ZC2HC1A: variants seen among roughly 807,000 people sequenced by gnomAD.
ZC2HC1A encodes zinc finger C2HC-type containing 1A, also known as zinc finger C2HC domain-containing protein 1A.
In ZC2HC1A, 28 loss-of-function variants were observed where a neutral mutation model predicts 40.7. The observed-to-expected ratio is 0.69, with a 90% CI of 0.51 to 0.94. The LOEUF is 0.94. Ranked by LOEUF, ZC2HC1A falls within the 40% of genes least tolerant of loss-of-function variation. The probability of loss-of-function intolerance (pLI) is 0.00; values close to 1 mark genes in which losing one functional copy is unlikely to be tolerated. For missense variants in ZC2HC1A, 389 were observed against 386.3 expected (o/e 1.01, Z -0.06); for synonymous variants, 129 against 129.2 (o/e 1.00, Z 0.01).
rs1274020151 is a variant in ZC2HC1A at position 78,689,979 on chromosome 8, G to C, written c.504+606G>C. On this transcript the variant is annotated intron_variant, in intron 5 of 8. Transcript: ENST00000263849. ...CACTTCAGGCTGGTATTTGTGTATA[G>C]TGTGAAGTAAGGGGCAGTTTTTCCT... Among the ~76,000 whole-genome samples, 5 of 152,280 alleles carry C rather than the reference G, an allele frequency of 3.3e-5. No homozygotes were observed. The South Asian group carries it at 8.3e-4, about 25-fold the overall frequency.
intron 1 of ZC2HC1A, among the ~76,000 whole-genome samples, chr8:78,672,849 A>G (rs980350952): frequency 1.1e-4 from 16 of 152,190 alleles, no homozygotes; most frequent in African/African-American, 3.4e-4. Context: ...AAACTAAAGA[A>G]AACATTATAA....
intron 1 of ZC2HC1A, among the ~76,000 whole-genome samples, chr8:78,668,581 T>C (rs1338305428): frequency 6.6e-6 from 1 of 152,168 alleles, no homozygotes; most frequent in East Asian, 1.9e-4. Context: ...TGTTTTACTT[T>C]TGGTCTTCAG....
At chr8:78,672,397 C>G (rs16905952) in intron 1 of ZC2HC1A, among the ~76,000 whole-genome samples, 2,993 of 152,100 alleles carry the variant, frequency 0.02, 96 homozygotes, top group African/African-American at 0.068. Context: ...AATAACAATT[C>G]AAATAATACA....
At chr8:78,671,861 T>C (rs1461655967) in intron 1 of ZC2HC1A, among the ~76,000 whole-genome samples, 1 of 152,196 alleles carries the variant, frequency 6.6e-6, no homozygotes, top group Non-Finnish European at 1.5e-5. Context: ...ATAAACTTTA[T>C]TTAAAAAGTC....
Position 78,700,338 on chromosome 8 carries a change from CTTTTTTTCTTGTAAGTTTG to C in ZC2HC1A, c.704+1848_704+1866del, listed in dbSNP as rs1386111878. Among the ~76,000 whole-genome samples the C allele has an allele frequency of 6.0e-5, 9 of 151,134 alleles. No individual in the cohort carries two copies. In the South Asian group the frequency reaches 8.4e-4, roughly 14 times the overall value. On this transcript the variant is annotated intron_variant, in intron 7 of 8. Coordinates refer to ENST00000263849, the MANE Select transcript of ZC2HC1A (RefSeq NM_016010.3). ...TGTTTGTTTTTTTTCTTGTAAGTTT[CTTTTTTTCTTGTAAGTTTG>C]TTTTTTTCTTGTAAGTTTGTTTGTT...
intron 1 of ZC2HC1A, among the ~76,000 whole-genome samples, chr8:78,669,204 G>A (rs1809378213): frequency 6.6e-6 from 1 of 152,024 alleles, no homozygotes; most frequent in Admixed American, 6.6e-5. Flanking sequence ...TATTTTAATA[G>A]ACAGTATATT....
intron 7 of ZC2HC1A, among the ~76,000 whole-genome samples, chr8:78,710,244 A>T (rs1810910699): frequency 6.6e-6 from 1 of 152,172 alleles, no homozygotes; most frequent in Admixed American, 6.5e-5. Context: ...TAAAAATAGC[A>T]TTCATTAACT....
In ZC2HC1A at chr8:78,673,650, G is replaced by A. The variant is rs192888905; in HGVS notation, c.17-2137G>A. 3.0e-4 allele frequency among the ~76,000 whole-genome samples: 46 copies of A among 152,266 alleles called. No individual in the cohort carries two copies. In the East Asian group the frequency reaches 3.1e-3, roughly 10 times the overall value. ...GTATTCTGTTTTAGAGAATGAAAGCGTTGTCCAAATTGGAGAATTGTTACC... is the reference window on the plus strand; with the variant it reads ...GTATTCTGTTTTAGAGAATGAAAGCATTGTCCAAATTGGAGAATTGTTACC... On this transcript the variant is annotated intron_variant, in intron 1 of 8. Transcript: ENST00000263849.
intron 1 of ZC2HC1A, among the ~76,000 whole-genome samples, chr8:78,671,793 T>G (rs551868883): frequency 2.0e-5 from 3 of 151,722 alleles, no homozygotes; most frequent in African/African-American, 4.8e-5. Flanking sequence ...CTTAATGTGG[T>G]GTACACTACC....
chr8:78,695,191 A>G lies in ZC2HC1A; in HGVS notation c.505-2216A>G, dbSNP rs550317733. ...AAAGTAATGGGAAATATTATAGGAT[A>G]TAAGTAAGGTTGTTCTAGGTTCTGA... On this transcript the variant is annotated intron_variant, in intron 5 of 8. Coordinates refer to ENST00000263849, the MANE Select transcript of ZC2HC1A (RefSeq NM_016010.3). 3.3e-5 allele frequency among the ~76,000 whole-genome samples: 5 copies of G among 152,334 alleles called. No individual in the cohort carries two copies. In the South Asian group the frequency reaches 6.2e-4, roughly 19 times the overall value.
chr8:78,707,357 T>C (rs1443782726), intron 7 of ZC2HC1A, among the ~76,000 whole-genome samples: 1 of 152,202 alleles, frequency 6.6e-6, no homozygotes, highest in Non-Finnish European at 1.5e-5. Context: ...GGCGCTGACC[T>C]TGGAGTTAGA....
intron 7 of ZC2HC1A, among the ~76,000 whole-genome samples, chr8:78,710,519 TATC>T (rs1413933720): frequency 6.6e-6 from 1 of 152,072 alleles, no homozygotes; most frequent in African/African-American, 2.4e-5. Context: ...GACCATTTCT[TATC>T]ATATAAGAGG....
At chr8:78,684,450 G>A (rs372905667) in intron 3 of ZC2HC1A, among the ~76,000 whole-genome samples, 12 of 152,158 alleles carry the variant, frequency 7.9e-5, no homozygotes, top group Admixed American at 2.6e-4. Context: ...ACCTGCCCCC[G>A]TGATTCAATT....
intron 1 of ZC2HC1A, among the ~76,000 whole-genome samples, chr8:78,669,581 G>T (rs768206412): frequency 6.6e-6 from 1 of 152,128 alleles, no homozygotes; most frequent in Non-Finnish European, 1.5e-5. Flanking sequence ...CTGTAGAAAG[G>T]CCCAGTAGGA....
At chr8:78,670,092 G>A (rs1809401660) in intron 1 of ZC2HC1A, among the ~76,000 whole-genome samples, 3 of 151,090 alleles carry the variant, frequency 2.0e-5, no homozygotes, top group East Asian at 2.0e-4. Context: ...CTCAGCCTCC[G>A]GAGTAGCTGG....
At chr8:78,682,466 A>G (rs1266147239) in intron 3 of ZC2HC1A, among the ~76,000 whole-genome samples, 2 of 152,118 alleles carry the variant, frequency 1.3e-5, no homozygotes, top group Non-Finnish European at 2.9e-5. Flanking sequence ...GGCAGACAAG[A>G]GCAGGGGAAC....
chr8:78,688,848 A>G (rs1172461109), intron 4 of ZC2HC1A, among the ~76,000 whole-genome samples: 3 of 152,116 alleles, frequency 2.0e-5, no homozygotes, highest in Non-Finnish European at 2.9e-5. Flanking sequence ...AACGTCATGT[A>G]TTATTACTTC....
chr8:78,690,893 G>C (rs2130510158), intron 5 of ZC2HC1A, among the ~76,000 whole-genome samples: 1 of 151,902 alleles, frequency 6.6e-6, no homozygotes, highest in African/African-American at 2.4e-5. Flanking sequence ...GTTGTTTTTT[G>C]CTTGTTTAGA....
At chr8:78,715,456 T>A in intron 8 of ZC2HC1A, 128 bp downstream of exon 8, 1 of 815,000 alleles carries the variant, frequency 1.2e-6, no homozygotes, top group Non-Finnish European at 1.8e-6. Flanking sequence ...TTAATCTGGC[T>A]TTTAAGTTGT....
Sources: gnomAD v4.1 joint callset for allele counts (sites outside exome capture counted in the v4.1 genomes callset) on GRCh38, gnomAD v4.1.1 for gene constraint, MANE v1.5 for transcripts, NCBI Gene and HGNC (gene_info 2026-07-23, HGNC 2026-07-21) for gene names.